The following GRID1 variants were observed in gnomAD, a reference collection of about 807,000 sequenced individuals.
GRID1 encodes glutamate ionotropic receptor delta type subunit 1.
A neutral mutation model predicts 98.0 loss-of-function variants in GRID1; 28 were observed. The observed-to-expected ratio is 0.29, with a 90% CI of 0.21 to 0.39. GRID1 has a LOEUF of 0.39. Among genes scored for constraint, GRID1 ranks in the 10% least tolerant of loss-of-function variants. The pLI, the probability that GRID1 is intolerant of heterozygous loss-of-function variation, is 1.00. For synonymous variants in GRID1, 553 were observed against 538.5 expected, an observed-to-expected ratio of 1.03 and a Z score of -0.37; for missense variants, 1,111 against 1,340.5, an observed-to-expected ratio of 0.83 and a Z score of 2.67.
At chr10:85,898,131 G>C (rs565257840) in intron 5 of GRID1, among the ~76,000 whole-genome samples, 2 of 152,326 alleles carry the variant, frequency 1.3e-5, no homozygotes, top group East Asian at 3.9e-4. Flanking sequence ...AACCTATACA[G>C]CATGTTACCG....
intron 4 of GRID1, among the ~76,000 whole-genome samples, chr10:86,021,367 C>T (rs149192910): frequency 1.7e-3 from 258 of 152,178 alleles, no homozygotes; most frequent in African/African-American, 6.0e-3. Context: ...CAGCAGACAC[C>T]GCCCCTGATG....
At chr10:85,845,626 C>T (rs1230040310) in intron 8 of GRID1, among the ~76,000 whole-genome samples, 1 of 152,176 alleles carries the variant, frequency 6.6e-6, no homozygotes, top group Non-Finnish European at 1.5e-5. Context: ...GAAGCTTGCT[C>T]AGGTTTTCCT....
chr10:85,625,371 G>T (rs973156381), intron 13 of GRID1, among the ~76,000 whole-genome samples: 1 of 152,188 alleles, frequency 6.6e-6, no homozygotes, highest in African/African-American at 2.4e-5. Context: ...TAATACCCAA[G>T]CACTTGGGAA....
chr10:85,908,162 C>T (rs1201138037), intron 5 of GRID1, among the ~76,000 whole-genome samples: 1 of 152,034 alleles, frequency 6.6e-6, no homozygotes, highest in African/African-American at 2.4e-5. Flanking sequence ...CAATATTGAA[C>T]TGGAGGTACT....
intron 12 of GRID1, among the ~76,000 whole-genome samples, chr10:85,711,839 T>C (rs1471820939): frequency 1.3e-5 from 2 of 151,746 alleles, no homozygotes; most frequent in Non-Finnish European, 3.0e-5. Flanking sequence ...AACAGTTTTA[T>C]AAAAGAATTA....
intron 8 of GRID1, among the ~76,000 whole-genome samples, chr10:85,732,994 A>G (rs1478352920): frequency 6.6e-6 from 1 of 152,000 alleles, no homozygotes; most frequent in Non-Finnish European, 1.5e-5. Context: ...GTAAACTCTT[A>G]CTTGTTTGTT....
chr10:86,202,083 A>G (rs1845961592), intron 3 of GRID1, among the ~76,000 whole-genome samples: 1 of 152,224 alleles, frequency 6.6e-6, no homozygotes, highest in Non-Finnish European at 1.5e-5. Flanking sequence ...ACTCAAACAG[A>G]GCCCTGATGT....
intron 4 of GRID1, among the ~76,000 whole-genome samples, chr10:86,063,998 A>T (rs2131915500): frequency 6.6e-6 from 1 of 152,224 alleles, no homozygotes; most frequent in East Asian, 1.9e-4. Flanking sequence ...CCCGATCTAG[A>T]AGAAGAGATA....
At chr10:86,010,068 A>C (rs1048181565) in intron 4 of GRID1, among the ~76,000 whole-genome samples, 6 of 152,196 alleles carry the variant, frequency 3.9e-5, no homozygotes, top group African/African-American at 1.2e-4. Context: ...AACACCCATG[A>C]AAAGACAAAC....
At chr10:86,029,506 G>A (rs371286802) in intron 4 of GRID1, among the ~76,000 whole-genome samples, 18 of 152,034 alleles carry the variant, frequency 1.2e-4, no homozygotes, top group South Asian at 4.2e-4. Context: ...AAATAATCAC[G>A]CCAAGTATAA....
chr10:85,638,428 C>T (rs57550313), intron 13 of GRID1, among the ~76,000 whole-genome samples: 11,118 of 152,192 alleles, frequency 0.073, 507 homozygotes, highest in Middle Eastern at 0.16. Context: ...GAAGGACTTA[C>T]AATACCTGAC....
intron 12 of GRID1, among the ~76,000 whole-genome samples, chr10:85,716,469 A>G (rs998129620): frequency 3.9e-5 from 6 of 152,156 alleles, no homozygotes; most frequent in Non-Finnish European, 7.4e-5. Context: ...CTAAATGACG[A>G]GTTAATGGGT....
At chr10:85,604,936 C>A (rs1163482868) in intron 15 of GRID1, among the ~76,000 whole-genome samples, 1 of 152,178 alleles carries the variant, frequency 6.6e-6, no homozygotes, top group East Asian at 1.9e-4. Flanking sequence ...GACAGACTAT[C>A]AAGAGACAGG....
intron 12 of GRID1, among the ~76,000 whole-genome samples, chr10:85,715,304 G>C (rs942302696): frequency 2.6e-5 from 4 of 152,100 alleles, no homozygotes; most frequent in Non-Finnish European, 5.9e-5. Flanking sequence ...AAAGCTTTTT[G>C]ACATTGGTCT....
chr10:85,954,585 G>A (rs1303697791), intron 4 of GRID1, among the ~76,000 whole-genome samples: 5 of 152,196 alleles, frequency 3.3e-5, no homozygotes, highest in Non-Finnish European at 7.4e-5. Flanking sequence ...CTTGATATAT[G>A]TAAGGAAGCT....
chr10:86,005,695 C>T (rs1842852547), intron 4 of GRID1, among the ~76,000 whole-genome samples: 1 of 152,122 alleles, frequency 6.6e-6, no homozygotes, highest in Non-Finnish European at 1.5e-5. Context: ...TCGCCATTAT[C>T]TTGAGTAAGA....
intron 3 of GRID1, among the ~76,000 whole-genome samples, chr10:86,163,860 CAG>C (rs1033222798): frequency 6.6e-6 from 1 of 152,172 alleles, no homozygotes; most frequent in Non-Finnish European, 1.5e-5. Flanking sequence ...GGATGAAGAA[CAG>C]AGAGGAGGAA....
chr10:86,113,253 G>T (rs750480547), intron 4 of GRID1, among the ~76,000 whole-genome samples: 1 of 152,046 alleles, frequency 6.6e-6, no homozygotes, highest in Non-Finnish European at 1.5e-5. Context: ...TCCTCGTCTA[G>T]CCCACATAAC....
At chr10:85,907,275 C>A (rs761369168) in intron 5 of GRID1, among the ~76,000 whole-genome samples, 17 of 152,178 alleles carry the variant, frequency 1.1e-4, no homozygotes, top group Admixed American at 1.3e-4. Context: ...CCACACCTGG[C>A]TAATTTTTGC....
Sources: gnomAD v4.1 joint callset for allele counts (sites outside exome capture counted in the v4.1 genomes callset) on GRCh38, gnomAD v4.1.1 for gene constraint, MANE v1.5 for transcripts, NCBI Gene and HGNC (gene_info 2026-07-23, HGNC 2026-07-21) for gene names.